Variants in VEPH1 observed in about 807,000 individuals in gnomAD.
VEPH1 encodes the protein ventricular zone-expressed PH domain-containing protein homolog 1.
Under a neutral mutation model 85.2 loss-of-function variants are expected in VEPH1, and 80 were observed. The ratio of observed to expected loss-of-function variants is 0.94; its 90% confidence interval spans 0.78 to 1.13. VEPH1 has a LOEUF of 1.13. VEPH1 is among the 50% of genes most tolerant of loss of function. VEPH1 has a pLI of 0.00. For synonymous variants in VEPH1, 297 were observed against 348.0 expected, an observed-to-expected ratio of 0.85 and a Z score of 1.63; for missense variants, 955 against 980.5, an observed-to-expected ratio of 0.97 and a Z score of 0.35.
chr3:157,369,208 C>T (rs985437139), intron 7 of VEPH1, among the ~76,000 whole-genome samples: 2 of 41,206 alleles, frequency 4.9e-5, no homozygotes, highest in Admixed American at 7.6e-4. Flanking sequence ...AAAAAAACCT[C>T]CTGAGGTCTA....
At chr3:157,491,352 C>A (rs1217487802) in intron 2 of VEPH1, among the ~76,000 whole-genome samples, 1 of 152,098 alleles carries the variant, frequency 6.6e-6, no homozygotes, top group Non-Finnish European at 1.5e-5. Flanking sequence ...ATGAGACAAT[C>A]TCTCTTGGAG....
chr3:157,315,001 A>G (rs1296709332), intron 10 of VEPH1, among the ~76,000 whole-genome samples: 1 of 152,118 alleles, frequency 6.6e-6, no homozygotes, highest in Non-Finnish European at 1.5e-5. Flanking sequence ...AAAAAAATGT[A>G]TAGAACATCT....
intron 1 of VEPH1, among the ~76,000 whole-genome samples, chr3:157,496,811 G>A (rs1739702738): frequency 6.6e-6 from 1 of 152,134 alleles, no homozygotes; most frequent in Non-Finnish European, 1.5e-5. Context: ...GCTATCTGTA[G>A]TATTGTAAGT....
chr3:157,437,082 T>A (rs1577653061), intron 4 of VEPH1: 2 of 1,612,262 alleles, frequency 1.2e-6, no homozygotes, highest in East Asian at 2.2e-5. Context: ...ACTTTAACTG[T>A]TTCTCTGCTA....
intron 7 of VEPH1, among the ~76,000 whole-genome samples, chr3:157,365,305 C>G (rs1032643580): frequency 3.3e-5 from 5 of 152,198 alleles, no homozygotes; most frequent in Admixed American, 6.5e-5. Context: ...TGGCCTACAG[C>G]TACTTTAATT....
At chr3:157,396,097 G>A (rs543307899) in intron 6 of VEPH1, among the ~76,000 whole-genome samples, 38 of 152,160 alleles carry the variant, frequency 2.5e-4, no homozygotes, top group African/African-American at 3.6e-4. Flanking sequence ...CCCCATCCCC[G>A]CTGCAGGCCC....
chr3:157,467,125 ATGTGTGTGTGTG>A (rs57109409), intron 3 of VEPH1, among the ~76,000 whole-genome samples: 8 of 145,346 alleles, frequency 5.5e-5, no homozygotes, highest in Admixed American at 4.8e-4. Flanking sequence ...GTGTGTGTGT[ATGTGTGTGTGTG>A]TGTGTGTGTG....
intron 4 of VEPH1, chr3:157,442,686 G>T: frequency 6.2e-7 from 1 of 1,614,244 alleles, no homozygotes; most frequent in Non-Finnish European, 8.5e-7. Flanking sequence ...ATCCTTGTGG[G>T]TAAATGGTGA....
chr3:157,381,982 C>G (rs1413984150), intron 6 of VEPH1, among the ~76,000 whole-genome samples: 1 of 152,208 alleles, frequency 6.6e-6, no homozygotes, highest in African/African-American at 2.4e-5. Context: ...ACATGCACCT[C>G]TCACAACTAT....
chr3:157,261,192 T>C lies in VEPH1; in HGVS notation c.2444A>G (p.Asn815Ser), dbSNP rs148475019. Residue 815 changes from asparagine to serine, a missense_variant, in exon 14 of 14, where the codon AAC (asparagine) becomes AGC (serine). Transcript: ENST00000362010. Reference protein sequence around the residue: ...KNAEEWLQCINVAVAQAKERE... With the variant: ...KNAEEWLQCISVAVAQAKERE... Reference sequence around the variant, plus strand: ...TTCTTTGGCTTGGGCAACTGCCACGTTGATGCACTGGAGCCATTCTTCTGC... The same window carrying C: ...TTCTTTGGCTTGGGCAACTGCCACGCTGATGCACTGGAGCCATTCTTCTGC... 701 of 1,613,716 alleles carry C rather than the reference T, an allele frequency of 4.3e-4. No individual in the cohort carries two copies. The highest frequency in any genetic ancestry group is 5.1e-4 in the Non-Finnish European group (596 of 1,179,794).
At chr3:157,469,615 C>T (rs187234430) in intron 3 of VEPH1, among the ~76,000 whole-genome samples, 159 of 152,264 alleles carry the variant, frequency 1.0e-3, no homozygotes, top group African/African-American at 3.6e-3. Flanking sequence ...AATTGTTTTC[C>T]AACTTATTTC....
chr3:157,372,304 AT>A (rs1398149926), intron 7 of VEPH1, among the ~76,000 whole-genome samples: 1 of 152,236 alleles, frequency 6.6e-6, no homozygotes, highest in African/African-American at 2.4e-5. Flanking sequence ...GATATACTTA[AT>A]CAAAAACACA....
intron 11 of VEPH1, 88 bp from the exon 12 acceptor site, chr3:157,286,762 G>C: frequency 9.1e-7 from 1 of 1,100,196 alleles, no homozygotes; most frequent in Non-Finnish European, 1.4e-6. Context: ...ATGTGGATCA[G>C]GATGGTCAAT....
chr3:157,503,188 C>T (rs924135861), intron 1 of VEPH1, 89 bp downstream of exon 1: 1 of 152,382 alleles, frequency 6.6e-6, no homozygotes, highest in African/African-American at 2.4e-5. Flanking sequence ...TCCTATCCCC[C>T]ACTCTTTGCT....
intron 2 of VEPH1, among the ~76,000 whole-genome samples, chr3:157,490,286 A>T (rs1739107970): frequency 6.6e-6 from 1 of 152,082 alleles, no homozygotes; most frequent in African/African-American, 2.4e-5. Flanking sequence ...AGATATCAAG[A>T]CTTATTACAA....
intron 3 of VEPH1, 109 bp from the exon 4 acceptor site, chr3:157,460,464 G>C (rs1735764891): frequency 2.2e-6 from 3 of 1,344,144 alleles, no homozygotes; most frequent in African/African-American, 2.9e-5. Flanking sequence ...GAGTACAGCT[G>C]TGAAAACACA....
intron 7 of VEPH1, among the ~76,000 whole-genome samples, chr3:157,376,032 C>T (rs1263129962): frequency 3.3e-5 from 5 of 152,182 alleles, no homozygotes; most frequent in Non-Finnish European, 7.3e-5. Context: ...TGTAACCTTC[C>T]TCTACCCTCC....
At chr3:157,437,970 C>T in intron 4 of VEPH1, 2 of 1,507,030 alleles carry the variant, frequency 1.3e-6, no homozygotes, top group Admixed American at 2.2e-5. Flanking sequence ...CGGGAGCGCG[C>T]GTAACGGCAA....
At chr3:157,477,566 T>C (rs28570365) in intron 2 of VEPH1, among the ~76,000 whole-genome samples, 424 of 152,162 alleles carry the variant, frequency 2.8e-3, no homozygotes, top group Middle Eastern at 6.8e-3. Context: ...TGGTGGACAC[T>C]TGACTTGGGC....
Sources: gnomAD v4.1 joint callset for allele counts (sites outside exome capture counted in the v4.1 genomes callset) on GRCh38, gnomAD v4.1.1 for gene constraint, MANE v1.5 for transcripts, NCBI Gene and HGNC (gene_info 2026-07-23, HGNC 2026-07-21) for gene names.